The following DLG1 variants were observed in gnomAD, a reference collection of about 807,000 sequenced individuals.
The protein encoded by DLG1 is disks large homolog 1.
DLG1 carries 42 observed loss-of-function variants against 123.4 expected under a neutral mutation model. That is an observed-to-expected ratio of 0.34 (90% CI 0.27 to 0.44). The LOEUF (loss-of-function observed/expected upper bound fraction) is 0.44, where lower values mean the gene tolerates loss of function less well. Among genes scored for constraint, DLG1 ranks in the 20% least tolerant of loss-of-function variants. The probability of loss-of-function intolerance (pLI) is 1.00; values close to 1 mark genes in which losing one functional copy is unlikely to be tolerated. For missense variants in DLG1, 942 were observed against 1,082.6 expected (o/e 0.87, Z 1.82); for synonymous variants, 317 against 356.2 (o/e 0.89, Z 1.24).
intron 4 of DLG1, among the ~76,000 whole-genome samples, chr3:197,270,130 G>A (rs1466144323): frequency 6.6e-6 from 1 of 152,088 alleles, no homozygotes; most frequent in Non-Finnish European, 1.5e-5. Flanking sequence ...GGAAACCATC[G>A]TTATGCGTGG....
At chr3:197,082,241 G>T (rs531297351) in intron 16 of DLG1, among the ~76,000 whole-genome samples, 1 of 151,958 alleles carries the variant, frequency 6.6e-6, no homozygotes, top group Admixed American at 6.6e-5. Flanking sequence ...GCAGTGGCGG[G>T]TGCCTGTAAT....
chr3:197,202,913 ACT>A (rs138379042), intron 4 of DLG1, among the ~76,000 whole-genome samples: 6,115 of 152,260 alleles, frequency 0.04, 173 homozygotes, highest in Non-Finnish European at 0.054. Context: ...CAGTCTAACC[ACT>A]GTTAGATTTG....
chr3:197,185,353 T>A (rs1193517062), intron 5 of DLG1, among the ~76,000 whole-genome samples: 1 of 152,168 alleles, frequency 6.6e-6, no homozygotes, highest in African/African-American at 2.4e-5. Flanking sequence ...CTATGATGCG[T>A]CTGCTGAGAA....
chr3:197,191,710 C>A (rs1419445499), intron 5 of DLG1, among the ~76,000 whole-genome samples: 1 of 152,136 alleles, frequency 6.6e-6, no homozygotes, highest in Non-Finnish European at 1.5e-5. Flanking sequence ...GGGCTTTACC[C>A]GTGCTGAGGT....
chr3:197,270,415 C>A (rs1560092887), intron 4 of DLG1, among the ~76,000 whole-genome samples: 1 of 152,126 alleles, frequency 6.6e-6, no homozygotes, highest in Non-Finnish European at 1.5e-5. Context: ...GATTATCACA[C>A]AAGCTACTCA....
intron 17 of DLG1, among the ~76,000 whole-genome samples, chr3:197,079,567 TGAAAG>T (rs1263050314): frequency 2.0e-5 from 3 of 152,350 alleles, no homozygotes; most frequent in Middle Eastern, 3.4e-3. Context: ...TCTTACAGTA[TGAAAG>T]GAAAGTTACA....
intron 11 of DLG1, among the ~76,000 whole-genome samples, chr3:197,125,173 ATCAT>A (rs745365906): frequency 3.9e-5 from 6 of 152,224 alleles, no homozygotes; most frequent in Non-Finnish European, 8.8e-5. Flanking sequence ...AAGTGAGATC[ATCAT>A]TCATGAATAG....
chr3:197,064,587 TC>T (rs1291423635), intron 22 of DLG1, among the ~76,000 whole-genome samples: 14 of 143,830 alleles, frequency 9.7e-5, no homozygotes, highest in Admixed American at 3.4e-4. Context: ...TATATTCTGA[TC>T]TTTTGTCCAC....
At chr3:197,068,434 G>C in intron 19 of DLG1, 2 of 1,032,912 alleles carry the variant, frequency 1.9e-6, no homozygotes, top group Non-Finnish European at 2.8e-6. Flanking sequence ...TCAACCAAAT[G>C]AATGACGGTT....
chr3:197,296,955 G>GGGA, intron 2 of DLG1: 1 of 548,748 alleles, frequency 1.8e-6, no homozygotes, highest in Non-Finnish European at 3.2e-6. Context: ...ACATCTGTTG[G>GGGA]GGGGGGGCTA....
At chr3:197,271,443 C>T (rs570878574) in intron 4 of DLG1, among the ~76,000 whole-genome samples, 1 of 152,278 alleles carries the variant, frequency 6.6e-6, no homozygotes, top group Admixed American at 6.5e-5. Flanking sequence ...TCACACTTTC[C>T]CTCACTTCTG....
chr3:197,225,696 G>C (rs969872279), intron 4 of DLG1, among the ~76,000 whole-genome samples: 1 of 152,120 alleles, frequency 6.6e-6, no homozygotes, highest in Non-Finnish European at 1.5e-5. Context: ...TATCTTAACT[G>C]TGCACAGACC....
intron 3 of DLG1, among the ~76,000 whole-genome samples, chr3:197,295,896 A>G (rs527318815): frequency 6.6e-6 from 1 of 152,326 alleles, no homozygotes; most frequent in Admixed American, 6.5e-5. Flanking sequence ...CTCTAAGATT[A>G]TTTTCCAGGT....
At chr3:197,101,375 C>A (rs1258999600) in intron 14 of DLG1, among the ~76,000 whole-genome samples, 1 of 151,446 alleles carries the variant, frequency 6.6e-6, no homozygotes, top group African/African-American at 2.4e-5. Flanking sequence ...CTATTATATA[C>A]TATCACAGGA....
chr3:197,106,150 T>C (rs1310039489), intron 13 of DLG1, among the ~76,000 whole-genome samples: 1 of 152,126 alleles, frequency 6.6e-6, no homozygotes, highest in Non-Finnish European at 1.5e-5. Context: ...TCACACCTGT[T>C]ATCCCAGCAC....
chr3:197,152,468 G>C (rs1445980255), intron 5 of DLG1, among the ~76,000 whole-genome samples: 1 of 138,518 alleles, frequency 7.2e-6, no homozygotes, highest in Non-Finnish European at 1.5e-5. Flanking sequence ...TGTCACCCAG[G>C]GTAGGACTTT....
At chr3:197,161,655 T>A (rs763019042) in intron 5 of DLG1, 7 of 1,535,092 alleles carry the variant, frequency 4.6e-6, no homozygotes, top group Non-Finnish European at 6.1e-6. Context: ...GTATGGTGGG[T>A]AGGATGACAG....
At chr3:197,145,908 T>G (rs1472694064) in intron 6 of DLG1, among the ~76,000 whole-genome samples, 1 of 151,912 alleles carries the variant, frequency 6.6e-6, no homozygotes, top group Non-Finnish European at 1.5e-5. Context: ...GAGAAGCACT[T>G]GAACCCAGGA....
intron 5 of DLG1, among the ~76,000 whole-genome samples, chr3:197,189,743 A>AAT (rs1331005116): frequency 6.6e-6 from 1 of 152,250 alleles, no homozygotes; most frequent in Admixed American, 6.5e-5. Context: ...TGATTATCAT[A>AAT]ATATCCTAAG....
Sources: allele counts gnomAD v4.1 joint callset (sites outside exome capture counted in the v4.1 genomes callset), GRCh38; gene constraint gnomAD v4.1.1; transcripts MANE v1.5; gene names NCBI Gene and HGNC (gene_info 2026-07-23, HGNC 2026-07-21).